The following DLG2 variants were observed in gnomAD, a reference collection of about 807,000 sequenced individuals.
DLG2 encodes discs large MAGUK scaffold protein 2.
In DLG2, 45 loss-of-function variants were observed where a neutral mutation model predicts 132.5. The observed-to-expected ratio is 0.34, with a 90% confidence interval of 0.27 to 0.44. The LOEUF (loss-of-function observed/expected upper bound fraction) is 0.44, where lower values mean the gene tolerates loss of function less well. Among genes scored for constraint, DLG2 ranks in the 20% least tolerant of loss-of-function variants. DLG2 has a pLI of 1.00. For missense variants in DLG2, 1,045 were observed against 1,196.9 expected (o/e 0.87, Z 1.87); for synonymous variants, 424 against 419.6 (o/e 1.01, Z -0.13).
chr11:84,315,395 C>G (rs1378336965), intron 7 of DLG2, among the ~76,000 whole-genome samples: 1 of 152,140 alleles, frequency 6.6e-6, no homozygotes, highest in Non-Finnish European at 1.5e-5. Context: ...AGTTTGCTTT[C>G]TCTGCTCTGT....
chr11:84,026,683 C>G (rs1391938523), intron 11 of DLG2, among the ~76,000 whole-genome samples: 1 of 152,060 alleles, frequency 6.6e-6, no homozygotes, highest in African/African-American at 2.4e-5. Context: ...AATGAACACA[C>G]TTAACCTTCC....
chr11:84,980,411 C>T (rs538113799), intron 6 of DLG2, among the ~76,000 whole-genome samples: 123 of 152,178 alleles, frequency 8.1e-4, no homozygotes, highest in African/African-American at 2.9e-3. Context: ...CTTTCTGAAG[C>T]TTAAAACATT....
intron 6 of DLG2, among the ~76,000 whole-genome samples, chr11:84,715,141 A>G (rs1022498809): frequency 3.3e-5 from 5 of 152,146 alleles, no homozygotes; most frequent in African/African-American, 1.2e-4. Flanking sequence ...AATATATAAA[A>G]ACAATATTGA....
chr11:84,543,544 G>A (rs570467193), intron 6 of DLG2, among the ~76,000 whole-genome samples: 1 of 152,210 alleles, frequency 6.6e-6, no homozygotes, highest in East Asian at 1.9e-4. Flanking sequence ...TCTCCCCATG[G>A]GGTCAAGGGC....
At chr11:83,873,107 CT>C (rs750522876) in intron 16 of DLG2, among the ~76,000 whole-genome samples, 1 of 152,164 alleles carries the variant, frequency 6.6e-6, no homozygotes, top group Non-Finnish European at 1.5e-5. Context: ...TCAATAAAGT[CT>C]TTTCGTACCA....
chr11:85,249,492 C>A (rs1187135909), intron 4 of DLG2, among the ~76,000 whole-genome samples: 2 of 151,836 alleles, frequency 1.3e-5, no homozygotes, highest in Non-Finnish European at 2.9e-5. Context: ...TCCTTGTAGG[C>A]TTAAAATCTA....
intron 8 of DLG2, among the ~76,000 whole-genome samples, chr11:84,217,193 G>A (rs780793590): frequency 6.6e-6 from 1 of 152,088 alleles, no homozygotes; most frequent in East Asian, 1.9e-4. Flanking sequence ...CAGAAATAAG[G>A]TGTCAGAAAT....
At chr11:85,256,636 G>A (rs866368105) in intron 4 of DLG2, among the ~76,000 whole-genome samples, 5 of 152,196 alleles carry the variant, frequency 3.3e-5, no homozygotes, top group African/African-American at 4.8e-5. Flanking sequence ...TCCTGCACCC[G>A]CCCATCTGCA....
At chr11:84,193,643 G>A (rs571274107) in intron 8 of DLG2, among the ~76,000 whole-genome samples, 7 of 152,234 alleles carry the variant, frequency 4.6e-5, no homozygotes, top group African/African-American at 1.7e-4. Flanking sequence ...TTTTACCTAA[G>A]AAACATCACA....
At chr11:84,806,024 A>G (rs912111919) in intron 6 of DLG2, among the ~76,000 whole-genome samples, 2 of 152,232 alleles carry the variant, frequency 1.3e-5, no homozygotes, top group African/African-American at 2.4e-5. Context: ...TTTAGAAATG[A>G]AAAACACGAT....
At chr11:83,641,468 G>T (rs1264521618) in intron 18 of DLG2, among the ~76,000 whole-genome samples, 3 of 152,086 alleles carry the variant, frequency 2.0e-5, no homozygotes, top group Non-Finnish European at 2.9e-5. Context: ...TCTTTTTCTA[G>T]TTTTCCTGGG....
At chr11:84,720,575 G>A (rs1596477109) in intron 6 of DLG2, 1 of 735,132 alleles carries the variant, frequency 1.4e-6, no homozygotes, top group Non-Finnish European at 1.7e-6. Context: ...GCCTCTCGGG[G>A]TCTCCCTTCC....
intron 8 of DLG2, among the ~76,000 whole-genome samples, chr11:84,183,294 G>C (rs1166055464): frequency 6.6e-6 from 1 of 152,156 alleles, no homozygotes; most frequent in East Asian, 1.9e-4. Context: ...TGTTAACTAT[G>C]GACTTTGAGT....
intron 15 of DLG2, among the ~76,000 whole-genome samples, chr11:83,911,314 C>T (rs967858247): frequency 6.6e-6 from 1 of 152,080 alleles, no homozygotes; most frequent in African/African-American, 2.4e-5. Context: ...TTGGGTATAA[C>T]AAAATATAAT....
At chr11:84,196,727 A>G (rs992229561) in intron 8 of DLG2, among the ~76,000 whole-genome samples, 2 of 152,186 alleles carry the variant, frequency 1.3e-5, no homozygotes, top group African/African-American at 4.8e-5. Context: ...AGTGTTTCCT[A>G]AAGAAACAAG....
At chr11:85,212,393 T>C (rs1368834476) in intron 4 of DLG2, among the ~76,000 whole-genome samples, 1 of 152,112 alleles carries the variant, frequency 6.6e-6, no homozygotes, top group Non-Finnish European at 1.5e-5. Flanking sequence ...AGAAGCATAG[T>C]AAAAAATGAA....
chr11:84,750,472 A>C (rs1423415360), intron 6 of DLG2, among the ~76,000 whole-genome samples: 1 of 152,110 alleles, frequency 6.6e-6, no homozygotes, highest in Non-Finnish European at 1.5e-5. Flanking sequence ...TCTATTGCTG[A>C]GTTTAGAAAG....
chr11:85,463,619 A>T (rs539312151), intron 3 of DLG2, among the ~76,000 whole-genome samples: 47 of 152,232 alleles, frequency 3.1e-4, no homozygotes, highest in South Asian at 6.2e-4. Context: ...AATTTTTTTT[A>T]AATTAGGCAG....
At chr11:84,370,754 T>C (rs550890759) in intron 7 of DLG2, among the ~76,000 whole-genome samples, 7 of 152,252 alleles carry the variant, frequency 4.6e-5, no homozygotes, top group East Asian at 3.9e-4. Flanking sequence ...AGGTTCGTTA[T>C]AGGCGTTCAA....
Sources: allele counts gnomAD v4.1 joint callset (sites outside exome capture counted in the v4.1 genomes callset), GRCh38; gene constraint gnomAD v4.1.1; transcripts MANE v1.5; gene names NCBI Gene and HGNC (gene_info 2026-07-23, HGNC 2026-07-21).